Variants in RAI1 observed in about 807,000 individuals in gnomAD.
RAI1 encodes retinoic acid-induced protein 1.
Under a neutral mutation model 123.8 loss-of-function variants are expected in RAI1, and 9 were observed. The observed-to-expected ratio is 0.07, with a 90% CI of 0.04 to 0.13. RAI1 has a LOEUF of 0.13. RAI1 is among the 10% of genes least tolerant of loss of function. The pLI, the probability that RAI1 is intolerant of heterozygous loss-of-function variation, is 1.00. For missense variants in RAI1, 2,256 were observed against 2,545.8 expected, an observed-to-expected ratio of 0.89 and a Z score of 2.45; for synonymous variants, 1,231 against 1,127.3, an observed-to-expected ratio of 1.09 and a Z score of -1.84.
chr17:17,746,625 TTTTCTTTTC>T (rs2029932773), intron 2 of RAI1, among the ~76,000 whole-genome samples: 1 of 134,656 alleles, frequency 7.4e-6, no homozygotes, highest in Non-Finnish European at 1.7e-5. Context: ...TTTTTTTTTC[TTTTCTTTTC>T]TTTTTTTTTT....
In RAI1 at chr17:17,810,839, G is replaced by C. The variant is rs201177542; in HGVS notation, c.*858G>C. On this transcript the variant is annotated 3_prime_UTR_variant, in exon 6 of 6. Transcript: ENST00000353383. The surrounding 1 kb of genome is among the most constrained non-coding windows in gnomAD (Gnocchi z 4.6). Reference sequence around the variant, plus strand: ...CGCGCGACCGTTGTGCACCACCAGGGACCGCCGCGCCTACTCTGCACGGGA... The same window carrying C: ...CGCGCGACCGTTGTGCACCACCAGGCACCGCCGCGCCTACTCTGCACGGGA... 4.4e-6 allele frequency: 2 copies of C among 453,316 alleles called. No individual in the cohort carries two copies. Among genetic ancestry groups the C allele is most frequent in the East Asian group, 7.0e-5 (1 of 14,264 alleles). 28.1% of individuals were successfully genotyped at this position (453,316 alleles called of 1,614,324 possible).
intron 2 of RAI1, among the ~76,000 whole-genome samples, chr17:17,760,669 G>A (rs997904666): frequency 6.6e-6 from 1 of 152,224 alleles, no homozygotes; most frequent in African/African-American, 2.4e-5. Context: ...TGGTCTCCTC[G>A]GCTGTCAAAT....
In RAI1 at chr17:17,798,433, G is replaced by T; in HGVS notation, c.5485G>T (p.Ala1829Ser). ...AQEHWVHEAC[A>S]VWTGGVYLVA... is the part of the protein sequence containing the mutation. ...GGAGCACTGGGTGCATGAGGCCTGT[G>T]CCGTGTGGACCGGCGGCGTCTACCT... Residue 1829 changes from alanine to serine, a missense_variant, in exon 3 of 6, where the codon GCC becomes TCC. Transcript: ENST00000353383. 1 of 1,610,396 alleles carries T rather than the reference G, an allele frequency of 6.2e-7. No individual in the cohort carries two copies. The highest frequency in any genetic ancestry group is 1.1e-5 in the South Asian group (1 of 90,928).
intron 2 of RAI1, among the ~76,000 whole-genome samples, chr17:17,738,421 C>T (rs1327997025): frequency 1.3e-5 from 2 of 151,758 alleles, no homozygotes; most frequent in Admixed American, 1.3e-4. Flanking sequence ...CAGGAGGGTG[C>T]AGCTGAGGAG....
At chr17:17,768,900 G>A (rs553913186) in intron 2 of RAI1, among the ~76,000 whole-genome samples, 1 of 152,366 alleles carries the variant, frequency 6.6e-6, no homozygotes, top group African/African-American at 2.4e-5. Flanking sequence ...ATGAGGGGGA[G>A]AGAGGAGAGG....
intron 2 of RAI1, among the ~76,000 whole-genome samples, chr17:17,770,505 T>A (rs1453485215): frequency 1.3e-5 from 2 of 151,746 alleles, no homozygotes; most frequent in Non-Finnish European, 2.9e-5. Context: ...ATGATTGGGC[T>A]CCCCGGCCAA....
intron 1 of RAI1, among the ~76,000 whole-genome samples, chr17:17,713,084 T>C (rs1218924097): frequency 6.6e-6 from 1 of 152,156 alleles, no homozygotes; most frequent in Non-Finnish European, 1.5e-5. Context: ...GTTGCACAAC[T>C]TCATGAATAT....
At chr17:17,688,674 C>T (rs1914730059) in intron 1 of RAI1, among the ~76,000 whole-genome samples, 1 of 152,056 alleles carries the variant, frequency 6.6e-6, no homozygotes, top group Non-Finnish European at 1.5e-5. Flanking sequence ...CGGCTCACTG[C>T]AACCTTTGTC....
intron 2 of RAI1, among the ~76,000 whole-genome samples, chr17:17,769,908 T>C (rs1422050978): frequency 6.7e-6 from 1 of 150,326 alleles, no homozygotes; most frequent in Non-Finnish European, 1.5e-5. Flanking sequence ...AGGAGGTGGT[T>C]GTGGGAGGAG....
intron 2 of RAI1, among the ~76,000 whole-genome samples, chr17:17,758,244 C>T (rs903591789): frequency 1.3e-5 from 2 of 152,230 alleles, no homozygotes; most frequent in Admixed American, 6.5e-5. Flanking sequence ...CCTACCAACC[C>T]GGCCACCACC....
At chr17:17,684,700 A>ATGTATG (rs1328440822) in intron 1 of RAI1, 9 of 125,542 alleles carry the variant, frequency 7.2e-5, no homozygotes, top group East Asian at 2.3e-4. Flanking sequence ...ATATATATAT[A>ATGTATG]TATATATGTA....
intron 3 of RAI1, chr17:17,802,217 G>C (rs1428496871): frequency 4.1e-5 from 19 of 466,350 alleles, no homozygotes; most frequent in Non-Finnish European, 4.0e-5. Context: ...TTGAGACTTA[G>C]AGGAGGACGG....
chr17:17,778,424 C>T, intron 2 of RAI1: 1 of 286,426 alleles, frequency 3.5e-6, no homozygotes, highest in Non-Finnish European at 6.9e-6. Context: ...CCCACAACAG[C>T]ACTGAAAGTT....
intron 3 of RAI1, among the ~76,000 whole-genome samples, chr17:17,803,511 C>A (rs1243663903): frequency 1.3e-5 from 2 of 152,136 alleles, no homozygotes; most frequent in Non-Finnish European, 2.9e-5. Flanking sequence ...ATCCTCCCAC[C>A]TCACCTTCCT....
Position 17,810,108 on chromosome 17 carries a change from TGATCCGGGTCCCGGATCGTG to T in RAI1, c.*135_*154del. The T allele has an allele frequency of 7.7e-7, 1 of 1,299,946 alleles. No homozygotes were observed. The highest frequency in any genetic ancestry group is 1.0e-6 in the Non-Finnish European group (1 of 968,312). 80.5% of individuals were successfully genotyped at this position (1,299,946 alleles called of 1,614,324 possible). A position where few individuals can be genotyped will look rare whatever the true frequency, so the allele number is the denominator to read the frequency against. On this transcript the variant is annotated 3_prime_UTR_variant, in exon 6 of 6. Coordinates refer to ENST00000353383, the MANE Select transcript of RAI1 (RefSeq NM_030665.4). This position sits in a 1 kb window ranked among gnomAD's most constrained non-coding sequence, Gnocchi z 4.6. ...CCAGCGCTGGTCCAGAGCCGATCCT[TGATCCGGGTCCCGGATCGTG>T]GATCCGGCCGCCTAGGGCTCAGACT...
chr17:17,803,085 CAAAAAAAAAAAAA>C (rs1167089282), intron 3 of RAI1, among the ~76,000 whole-genome samples: 2 of 55,946 alleles, frequency 3.6e-5, no homozygotes, highest in Non-Finnish European at 7.7e-5. Context: ...AATTCTGTCT[CAAAAAAAAAAAAA>C]AAAAAAAAAA....
chr17:17,724,754 C>A (rs891232791), intron 2 of RAI1, among the ~76,000 whole-genome samples: 5 of 152,086 alleles, frequency 3.3e-5, no homozygotes, highest in African/African-American at 1.2e-4. Context: ...CTTCCTCGGG[C>A]CGCTGCGGCC....
chr17:17,688,358 C>A (rs1297320171), intron 1 of RAI1, among the ~76,000 whole-genome samples: 2 of 151,938 alleles, frequency 1.3e-5, no homozygotes, highest in Admixed American at 6.5e-5. Flanking sequence ...GTGTCACATG[C>A]CTGTAATCCC....
rs777450192 is a variant in RAI1 at position 17,800,188 on chromosome 17, C to CTG, written c.5565+1676_5565+1677insGT. Among the ~76,000 whole-genome samples, 1,025 of 117,704 alleles carry CTG rather than the reference C, an allele frequency of 8.7e-3. 38 individuals are homozygous for CTG. Among genetic ancestry groups the CTG allele is most frequent in the Middle Eastern group, 0.019 (4 of 214 alleles). The allele number at this position is 117,704 out of a possible 152,430, so 77.2% of individuals were successfully genotyped here. ...GCTTTCTGTCTCTCTCTGTCTCTCT[C>CTG]TCTCTCTCTCTCTCTCTCTCTCTCT... On this transcript the variant is annotated intron_variant, in intron 3 of 5. Coordinates refer to ENST00000353383, the MANE Select transcript of RAI1 (RefSeq NM_030665.4). This position sits in a 1 kb window ranked among gnomAD's most constrained non-coding sequence, Gnocchi z 4.7.
Sources: gnomAD v4.1 joint callset for allele counts (sites outside exome capture counted in the v4.1 genomes callset) on GRCh38, gnomAD v4.1.1 for gene constraint, Gnocchi (gnomAD v3.1) non-coding constraint, MANE v1.5 for transcripts, NCBI Gene and HGNC (gene_info 2026-07-23, HGNC 2026-07-21) for gene names.